Variants in TSHR observed in about 807,000 individuals in gnomAD.
TSHR encodes the protein thyrotropin receptor.
TSHR carries 51 observed loss-of-function variants against 64.1 expected under a neutral mutation model. The ratio of observed to expected loss-of-function variants is 0.80; its 90% CI spans 0.64 to 1.01. The LOEUF (loss-of-function observed/expected upper bound fraction) is 1.01. Ranked by LOEUF, TSHR falls within the 50% of genes least tolerant of loss-of-function variation. The probability of loss-of-function intolerance (pLI) is 0.00; values close to 1 mark genes in which losing one functional copy is unlikely to be tolerated. For synonymous variants in TSHR, 361 were observed against 361.9 expected (o/e 1.00, Z 0.03); for missense variants, 877 against 942.8 (o/e 0.93, Z 0.91).
rs1387820706 is a variant in TSHR, at chr14:81,144,183, C to A, written c.2125C>A (p.Gln709Lys). ...ACGCCAGGCTCAGGCATACCGGGGGCAGAGGGTTCCTCCAAAGAACAGCAC... is the reference window on the plus strand; with the variant it reads ...ACGCCAGGCTCAGGCATACCGGGGGAAGAGGGTTCCTCCAAAGAACAGCAC... ...CKRQAQAYRG[Q>K]RVPPKNSTDI... The change falls in exon 10 of 10, where the codon CAG becomes AAG. Residue 709 changes from glutamine to lysine, a missense_variant. Gln to Lys is a moderately conservative substitution (Grantham distance 53). Transcript: ENST00000298171. 6.2e-7 allele frequency: 1 copy of A among 1,613,866 alleles called. No individual in the cohort carries two copies. The highest frequency in any genetic ancestry group is 1.3e-5 in the African/African-American group (1 of 74,998).
At chr14:81,006,720 G>A (rs1204793554) in intron 1 of TSHR, among the ~76,000 whole-genome samples, 1 of 151,816 alleles carries the variant, frequency 6.6e-6, no homozygotes, top group Non-Finnish European at 1.5e-5. Flanking sequence ...TCACCATGTT[G>A]CCCAGGATGG....
intron 1 of TSHR, among the ~76,000 whole-genome samples, chr14:81,048,342 G>A (rs1295872814): frequency 6.6e-6 from 1 of 152,096 alleles, no homozygotes; most frequent in Non-Finnish European, 1.5e-5. Flanking sequence ...ATTGATTCCT[G>A]GCCGGGATCA....
chr14:81,056,689 A>G (rs1157913614), intron 1 of TSHR, among the ~76,000 whole-genome samples: 1 of 152,136 alleles, frequency 6.6e-6, no homozygotes, highest in Non-Finnish European at 1.5e-5. Context: ...TTATCAAGCT[A>G]TTGCTTGAGT....
At chr14:81,029,221 A>AG (rs1254352945) in intron 1 of TSHR, among the ~76,000 whole-genome samples, 1 of 152,072 alleles carries the variant, frequency 6.6e-6, no homozygotes, top group Non-Finnish European at 1.5e-5. Flanking sequence ...ATCTTTGAGA[A>AG]GGCATTCCTT....
At chr14:81,046,537 A>C (rs1594996338) in intron 1 of TSHR, among the ~76,000 whole-genome samples, 1 of 152,054 alleles carries the variant, frequency 6.6e-6, no homozygotes, top group African/African-American at 2.4e-5. Flanking sequence ...AATTGAGTGC[A>C]TCAATTACCC....
chr14:80,958,616 CAAGA>C (rs1390344832), intron 1 of TSHR, among the ~76,000 whole-genome samples: 2 of 152,076 alleles, frequency 1.3e-5, no homozygotes, highest in Non-Finnish European at 2.9e-5. Context: ...GCAAGGAGGA[CAAGA>C]AAGACTAAGT....
intron 2 of TSHR, among the ~76,000 whole-genome samples, chr14:81,065,234 C>G (rs535042182): frequency 6.6e-6 from 1 of 152,118 alleles, no homozygotes; most frequent in South Asian, 2.1e-4. Context: ...ACACACTTCT[C>G]CCAGGGCACA....
chr14:80,992,210 G>C (rs1375610622), intron 1 of TSHR: 1 of 152,060 alleles, frequency 6.6e-6, no homozygotes, highest in East Asian at 1.9e-4. Context: ...AACCATCCTG[G>C]CCAACATGGT....
At chr14:81,067,154 C>G (rs1033831807) in intron 2 of TSHR, among the ~76,000 whole-genome samples, 2 of 152,130 alleles carry the variant, frequency 1.3e-5, no homozygotes, top group Admixed American at 1.3e-4. Flanking sequence ...GAATGTTCCA[C>G]TAGAGAATTG....
intron 1 of TSHR, among the ~76,000 whole-genome samples, chr14:81,026,453 A>G (rs1258805341): frequency 2.0e-5 from 3 of 152,208 alleles, no homozygotes; most frequent in Admixed American, 6.5e-5. Flanking sequence ...GATTTATGCA[A>G]AAATAACCCT....
chr14:80,988,065 T>C (rs758327230), intron 1 of TSHR, among the ~76,000 whole-genome samples: 1 of 152,228 alleles, frequency 6.6e-6, no homozygotes, highest in Non-Finnish European at 1.5e-5. Context: ...AGAGGTCTCT[T>C]TTGACCTATT....
At chr14:81,061,036 A>T (rs1886200008) in intron 1 of TSHR, among the ~76,000 whole-genome samples, 1 of 152,156 alleles carries the variant, frequency 6.6e-6, no homozygotes, top group African/African-American at 2.4e-5. Flanking sequence ...CACACCTTTA[A>T]GGTGCAAATC....
intron 3 of TSHR, chr14:81,078,579 T>C (rs1887666780): frequency 6.7e-6 from 1 of 149,160 alleles, no homozygotes; most frequent in Non-Finnish European, 1.5e-5. Flanking sequence ...CATTTTTGTC[T>C]ACTATTTCAA....
chr14:81,072,530 A>C (rs541503881), intron 3 of TSHR, among the ~76,000 whole-genome samples: 65 of 152,280 alleles, frequency 4.3e-4, no homozygotes, highest in Non-Finnish European at 6.5e-4. Context: ...GAAATTAATT[A>C]ATTAATACAA....
intron 8 of TSHR, among the ~76,000 whole-genome samples, chr14:81,118,833 T>C (rs1258450598): frequency 8.0e-5 from 12 of 149,192 alleles, no homozygotes; most frequent in African/African-American, 2.5e-4. Context: ...AACAGAGATA[T>C]AGATCAATGG....
intron 8 of TSHR, among the ~76,000 whole-genome samples, chr14:81,116,908 T>C (rs1472455279): frequency 4.8e-4 from 69 of 145,198 alleles, no homozygotes; most frequent in African/African-American, 1.8e-3. Flanking sequence ...ACATGGAAAC[T>C]GAACAACCTG....
intron 3 of TSHR, among the ~76,000 whole-genome samples, chr14:81,078,380 G>A (rs192055654): frequency 1.8e-4 from 28 of 152,124 alleles, no homozygotes; most frequent in Admixed American, 1.8e-3. Flanking sequence ...AGGAGTAGTC[G>A]TATCCGTGTT....
chr14:81,099,617 A>G (rs548388391), intron 7 of TSHR: 8 of 152,320 alleles, frequency 5.3e-5, no homozygotes, highest in Admixed American at 2.6e-4. Context: ...CACATCAAGA[A>G]ACAGTGTTGT....
At chr14:81,055,360 GA>G (rs1366352634) in intron 1 of TSHR, among the ~76,000 whole-genome samples, 3 of 152,220 alleles carry the variant, frequency 2.0e-5, no homozygotes, top group African/African-American at 4.8e-5. Context: ...AGGCAGTGCA[GA>G]AGGGAAATTT....
Sources: gnomAD v4.1 joint callset for allele counts (sites outside exome capture counted in the v4.1 genomes callset) on GRCh38, gnomAD v4.1.1 for gene constraint, MANE v1.5 for transcripts, NCBI Gene and HGNC (gene_info 2026-07-23, HGNC 2026-07-21) for gene names.